Variants in ELK1 observed in about 807,000 individuals in gnomAD.
ELK1 encodes ETS domain-containing protein Elk-1.
For synonymous variants in ELK1, 163 were observed against 176.3 expected, an observed-to-expected ratio of 0.92 and a Z score of 0.60; for missense variants, 254 against 381.5, an observed-to-expected ratio of 0.67 and a Z score of 2.78.
In ELK1 at chrX:47,639,110, G is replaced by A. The variant is rs767265910; in HGVS notation, c.439C>T (p.Arg147Cys). 5 of 1,202,234 alleles carry A rather than the reference G, an allele frequency of 4.2e-6. No homozygotes were observed. Among genetic ancestry groups the A allele is most frequent in the South Asian group, 3.6e-5 (2 of 55,472 alleles). ...CGCATGTACTCGTTCCGGCTGCTGC[G>A]TGCCAAACCGCCTGGGCCTGCCATT... ...AGMAGPGGLA[R>C]SSRNEYMRSG... The change falls in exon 4 of 7, where the codon CGC becomes TGC. Residue 147 changes from arginine (R) to cysteine (C), a missense_variant. Arg to Cys is a radical substitution (Grantham distance 180, BLOSUM62 -3). Coordinates refer to ENST00000376983, the MANE Select transcript of ELK1 (RefSeq NM_001114123.3).
At chrX:47,650,265 G>A (rs1180407995) in intron 1 of ELK1, among the ~76,000 whole-genome samples, 158 bp downstream of exon 1, 1 of 111,899 alleles carries the variant, frequency 8.9e-6, no homozygotes, top group Non-Finnish European at 1.9e-5. Flanking sequence ...GGGACGAAGG[G>A]CTTGAGCAAT....
At chrX:47,647,579 T>C (rs931467383) in intron 2 of ELK1, among the ~76,000 whole-genome samples, 1 of 112,222 alleles carries the variant, frequency 8.9e-6, no homozygotes, top group Non-Finnish European at 1.9e-5. Context: ...TCAGTAAAGG[T>C]TGGTTGCAGG....
chrX:47,644,484 T>C (rs2058037476), intron 2 of ELK1, among the ~76,000 whole-genome samples: 1 of 110,577 alleles, frequency 9.0e-6, no homozygotes, highest in African/African-American at 3.3e-5. Flanking sequence ...AAGGCAAACA[T>C]GTACAAGAGT....
At position 47,638,887 on chromosome X, in the gene ELK1, G is replaced by T; in HGVS notation, c.654+8C>A. 8.4e-7 allele frequency: 1 copy of T among 1,196,899 alleles called. No individual in the cohort carries two copies. The highest frequency in any genetic ancestry group is 1.1e-6 in the Non-Finnish European group (1 of 888,132). ...CCTCTTACTGAATTTCTATATTCCA[G>T]TCCTTACCTGCAGAGGCAAGCCGGC... On this transcript the variant is annotated splice_region_variant and intron_variant, in intron 4 of 6. Transcript: ENST00000376983.
At position 47,649,837 on chromosome X, in the gene ELK1, G is replaced by A. The variant is rs2239863; in HGVS notation, c.-35+84C>T. 3.0e-5 allele frequency: 3 copies of A among 99,129 alleles called. No homozygotes were observed. The East Asian group carries it at 9.8e-4, about 32-fold the overall frequency. The allele number at this position is 99,129 out of a possible 1,213,427, so 8.2% of individuals were successfully genotyped here. ...ATAAAATGGTGGTGGTGGTGGTGGGGGGGGGGGGTGGTTTTGAAAAAAGCC... is the reference window on the plus strand; with the variant it reads ...ATAAAATGGTGGTGGTGGTGGTGGGAGGGGGGGGTGGTTTTGAAAAAAGCC... On this transcript the variant is annotated intron_variant, in intron 2 of 6. Transcript: ENST00000376983.
intron 2 of ELK1, among the ~76,000 whole-genome samples, chrX:47,649,648 T>C (rs1037105966): frequency 3.6e-5 from 4 of 110,531 alleles, no homozygotes; most frequent in Non-Finnish European, 5.7e-5. Flanking sequence ...GAAAAGGCTA[T>C]GGACTGAGCT....
chrX:47,646,975 T>C (rs1203276452), intron 2 of ELK1, among the ~76,000 whole-genome samples: 1 of 111,526 alleles, frequency 9.0e-6, no homozygotes, highest in Non-Finnish European at 1.9e-5. Context: ...CCCGTAGACA[T>C]TAAGGCTCTC....
chrX:47,638,717 C>T (rs1363457113), intron 4 of ELK1, among the ~76,000 whole-genome samples, 178 bp downstream of exon 4: 1 of 112,245 alleles, frequency 8.9e-6, no homozygotes, highest in Non-Finnish European at 1.9e-5. Context: ...CTTTCTGTCT[C>T]AGGATTTGTG....
chrX:47,636,719 C>T lies in ELK1; in HGVS notation c.*110G>A. On this transcript the variant is annotated 3_prime_UTR_variant, in exon 7 of 7. Transcript: ENST00000376983. ...CTTCCCAAGGATCCCCACCCCACCA[C>T]AATCAGAGCATGAGTCTTTCAGTTG... 1.3e-6 allele frequency: 1 copy of T among 773,887 alleles called. No individual in the cohort carries two copies. Among genetic ancestry groups the T allele is most frequent in the Non-Finnish European group, 1.8e-6 (1 of 549,527 alleles). The allele number at this position is 773,887 out of a possible 1,213,427, so 63.8% of individuals were successfully genotyped here.
rs147990079 is a variant in ELK1 at position 47,637,043 on chromosome X, C to A, written c.1158G>T (p.Ala386=). The A allele has an allele frequency of 8.3e-6, 10 of 1,208,291 alleles. No homozygotes were observed. The highest frequency in any genetic ancestry group is 5.9e-5 in the East Asian group (2 of 33,711). Residue 386 remains alanine (A), a synonymous_variant, in exon 6 of 7, where the codon GCG becomes GCT. Coordinates refer to ENST00000376983, the MANE Select transcript of ELK1 (RefSeq NM_001114123.3). The part of the protein sequence containing the change: ...IHFWSTLSPI[A]PRSPAKLSFQ... The stretch of plus-strand genomic sequence containing the variant: ...AGGAGAGCTTGGCCGGGCTACGGGG[C>A]GCAATGGGACTCAGGGTGCTCCAGA...
Position 47,650,547 on chromosome X carries a change from G to A in ELK1, c.-265C>T, listed in dbSNP as rs765546587. On this transcript the variant is annotated 5_prime_UTR_variant, in exon 1 of 7. Transcript: ENST00000376983. The stretch of plus-strand genomic sequence containing the variant: ...GGCGGTGGAGGTGGTGGTGGCGGTG[G>A]CGGCGGCAGCACCTAGAAGCCGCCC... 10 of 320,882 alleles carry A rather than the reference G, an allele frequency of 3.1e-5. No individual in the cohort carries two copies. The East Asian group carries it at 6.0e-4, about 19-fold the overall frequency. 26.4% of individuals were successfully genotyped at this position (320,882 alleles called of 1,213,427 possible). A position where few individuals can be genotyped will look rare whatever the true frequency, so the allele number is the denominator to read the frequency against.
At chrX:47,637,251 G>T in intron 5 of ELK1, 137 bp from the exon 6 acceptor site, 1 of 607,553 alleles carries the variant, frequency 1.6e-6, no homozygotes. Context: ...ACACCTAGAT[G>T]GTAACCATGG....
At chrX:47,649,833 T>TGGG (rs375216686) in intron 2 of ELK1, 88 bp downstream of exon 2, 36 of 24,028 alleles carry the variant, frequency 1.5e-3, no homozygotes, top group East Asian at 5.9e-3. Context: ...GTGGTGGTGG[T>TGGG]GGGGGGGGGG....
At chrX:47,644,357 A>G (rs1162192466) in intron 2 of ELK1, among the ~76,000 whole-genome samples, 1 of 111,558 alleles carries the variant, frequency 9.0e-6, no homozygotes, top group African/African-American at 3.3e-5. Context: ...TCACTTAGCA[A>G]GCATTTGGTG....
chrX:47,642,442 C>A (rs2058031489), intron 2 of ELK1, among the ~76,000 whole-genome samples: 1 of 110,681 alleles, frequency 9.0e-6, no homozygotes, highest in South Asian at 3.8e-4. Flanking sequence ...AGGCTGCTCA[C>A]TCCACGTGGG....
Position 47,635,570 on chromosome X carries a change from C to T in ELK1, c.*1259G>A, listed in dbSNP as rs1343683833. 1 of 111,008 alleles carries T rather than the reference C, an allele frequency of 9.0e-6. No individual in the cohort carries two copies. The highest frequency in any genetic ancestry group is 3.3e-5 in the African/African-American group (1 of 30,307). The allele number at this position is 111,008 out of a possible 1,213,427, so 9.1% of individuals were successfully genotyped here. On this transcript the variant is annotated 3_prime_UTR_variant, in exon 7 of 7. Transcript: ENST00000376983. The stretch of plus-strand genomic sequence containing the variant: ...AGGAACAATTCCCCATTCTCTGGGA[C>T]TCTTTAGAAAAAAAAAAGGTCCATT...
At chrX:47,644,796 C>A (rs1440716434) in intron 2 of ELK1, among the ~76,000 whole-genome samples, 1 of 110,534 alleles carries the variant, frequency 9.0e-6, no homozygotes, top group African/African-American at 3.3e-5. Flanking sequence ...GGGGGCCAGA[C>A]TGAGCCAGGC....
intron 2 of ELK1, 134 bp downstream of exon 2, chrX:47,649,787 A>G (rs1001696660): frequency 1.1e-5 from 1 of 95,212 alleles, no homozygotes; most frequent in Non-Finnish European, 2.1e-5. Flanking sequence ...AGGGACGTGA[A>G]TCCAAACATG....
intron 2 of ELK1, among the ~76,000 whole-genome samples, chrX:47,647,160 G>GTT (rs34192257): frequency 1.1e-3 from 90 of 81,056 alleles, no homozygotes; most frequent in African/African-American, 3.1e-3. Flanking sequence ...CCCAGCTTGG[G>GTT]TTTTTTTTTT....
Sources: allele counts gnomAD v4.1 joint callset (sites outside exome capture counted in the v4.1 genomes callset), GRCh38; gene constraint gnomAD v4.1.1; transcripts MANE v1.5; gene names NCBI Gene and HGNC (gene_info 2026-07-23, HGNC 2026-07-21).